DMD: variants seen among roughly 807,000 people sequenced by gnomAD.
DMD encodes mutant dystrophin.
Under a neutral mutation model 330.1 loss-of-function variants are expected in DMD, and 63 were observed. That is an observed-to-expected ratio of 0.19 (90% CI 0.16 to 0.24). The LOEUF (loss-of-function observed/expected upper bound fraction) is 0.24. DMD is among the 10% of genes least tolerant of loss of function. The pLI, the probability that DMD is intolerant of heterozygous loss-of-function variation, is 1.00. For missense variants in DMD, 3,344 were observed against 2,684.1 expected, an observed-to-expected ratio of 1.25 and a Z score of -5.43; for synonymous variants, 1,223 against 959.8, an observed-to-expected ratio of 1.27 and a Z score of -5.07.
chrX:32,243,596 C>A (rs2097217751), intron 43 of DMD, among the ~76,000 whole-genome samples: 1 of 111,368 alleles, frequency 9.0e-6, no homozygotes, highest in African/African-American at 3.3e-5. Flanking sequence ...GGTAACAAAC[C>A]CGTAGATAAT....
At chrX:31,689,137 A>G (rs1479802409) in intron 52 of DMD, among the ~76,000 whole-genome samples, 1 of 111,607 alleles carries the variant, frequency 9.0e-6, no homozygotes, top group Non-Finnish European at 1.9e-5. Context: ...GGCAGGAAAA[A>G]GAAATAAAGG....
At chrX:31,503,185 C>T (rs959001991) in intron 56 of DMD, among the ~76,000 whole-genome samples, 1 of 111,562 alleles carries the variant, frequency 9.0e-6, no homozygotes, top group African/African-American at 3.3e-5. Context: ...TTATATAATG[C>T]CTTTTAAATC....
intron 2 of DMD, among the ~76,000 whole-genome samples, chrX:32,951,335 G>A (rs952365554): frequency 7.2e-5 from 8 of 111,224 alleles, no homozygotes; most frequent in Non-Finnish European, 1.3e-4. Context: ...GACTCTGTCC[G>A]AGCAAAAGCT....
rs185841052 is a variant in DMD, at chrX:33,108,938, A to G, written c.32-88738T>C. The stretch of plus-strand genomic sequence containing the variant: ...AGTCTGTTCAATTTTAAAACTTGTA[A>G]TCTTAAATAAAAATTATATTTAGAA... On this transcript the variant is annotated intron_variant, in intron 1 of 78. Coordinates refer to ENST00000357033, the MANE Select transcript of DMD (RefSeq NM_004006.3). Among the ~76,000 whole-genome samples, 27 of 105,816 alleles carry G rather than the reference A, an allele frequency of 2.6e-4. No homozygotes were observed. In the East Asian group the frequency reaches 3.0e-3, roughly 12 times the overall value. 91.9% of individuals were successfully genotyped at this position (105,816 alleles called of 115,157 possible). A position where few individuals can be genotyped will look rare whatever the true frequency, so the allele number is the denominator to read the frequency against.
chrX:32,149,814 A>G (rs2096795792), intron 44 of DMD, among the ~76,000 whole-genome samples: 1 of 111,783 alleles, frequency 8.9e-6, no homozygotes, highest in African/African-American at 3.3e-5. Context: ...ATCTAATGGG[A>G]TGTGTTTTCA....
At chrX:32,692,140 A>T (rs1382571905) in intron 9 of DMD, among the ~76,000 whole-genome samples, 1 of 112,263 alleles carries the variant, frequency 8.9e-6, no homozygotes, top group Non-Finnish European at 1.9e-5. Context: ...TAAGAGGGTG[A>T]ATCCCATGTT....
intron 44 of DMD, among the ~76,000 whole-genome samples, chrX:32,195,874 C>T (rs1216062842): frequency 2.7e-5 from 3 of 111,736 alleles, no homozygotes; most frequent in African/African-American, 9.8e-5. Flanking sequence ...AAATGCCATA[C>T]TTGCTGGAAA....
At chrX:31,477,978 T>G (rs2067926765) in intron 59 of DMD, 128 bp downstream of exon 59, 1 of 729,494 alleles carries the variant, frequency 1.4e-6, no homozygotes, top group Non-Finnish European at 2.0e-6. Flanking sequence ...GAATGAAGAC[T>G]GAATTTGTGA....
chrX:33,019,775 G>A (rs1435084945), intron 2 of DMD, among the ~76,000 whole-genome samples: 1 of 111,090 alleles, frequency 9.0e-6, no homozygotes, highest in Non-Finnish European at 1.9e-5. Context: ...GACCAAGAGG[G>A]ACAAAAAAAT....
At chrX:31,945,400 G>A (rs904068198) in intron 45 of DMD, among the ~76,000 whole-genome samples, 4 of 111,662 alleles carry the variant, frequency 3.6e-5, no homozygotes, top group East Asian at 2.8e-4. Flanking sequence ...GCAGTGGCGC[G>A]ATCTTGGCTC....
At chrX:31,299,366 G>A (rs981049887) in intron 62 of DMD, among the ~76,000 whole-genome samples, 9 of 111,393 alleles carry the variant, frequency 8.1e-5, no homozygotes, top group African/African-American at 2.9e-4. Flanking sequence ...TAAAAAAAAA[G>A]CACATCTCCC....
chrX:32,702,117 C>A (rs932031550), intron 7 of DMD, among the ~76,000 whole-genome samples: 3 of 111,537 alleles, frequency 2.7e-5, no homozygotes, highest in Admixed American at 1.9e-4. Flanking sequence ...AATGGATTAT[C>A]CAGGAAATTT....
intron 63 of DMD, among the ~76,000 whole-genome samples, chrX:31,234,524 T>C (rs998391806): frequency 8.9e-6 from 1 of 112,442 alleles, no homozygotes; most frequent in Non-Finnish European, 1.9e-5. Flanking sequence ...TAAGTGACAA[T>C]TACTTCTGCA....
At position 31,628,173 on chromosome X, in the gene DMD, T is replaced by C. The variant is rs926596613; in HGVS notation, c.8028-311A>G. ...AAATATATATACATATATTTGAACA[T>C]GTGAAAGTTCAAAGTACCTTTTTTT... On this transcript the variant is annotated intron_variant, in intron 54 of 78. Coordinates refer to ENST00000357033, the MANE Select transcript of DMD (RefSeq NM_004006.3). 8.1e-5 allele frequency among the ~76,000 whole-genome samples: 9 copies of C among 111,536 alleles called. No homozygotes were observed. The Admixed American group carries it at 8.6e-4, about 11-fold the overall frequency.
intron 44 of DMD, among the ~76,000 whole-genome samples, chrX:32,212,909 TAG>T (rs1465432974): frequency 9.0e-6 from 1 of 111,035 alleles, no homozygotes; most frequent in African/African-American, 3.3e-5. Context: ...GGAAAAAAAA[TAG>T]AGTTGCATGG....
intron 60 of DMD, among the ~76,000 whole-genome samples, chrX:31,421,954 T>TACAC (rs1170166063): frequency 1.9e-4 from 15 of 79,055 alleles, no homozygotes; most frequent in Non-Finnish European, 2.9e-4. Flanking sequence ...TATATATATA[T>TACAC]ATATACACAT....
rs149394371 is a variant in DMD, at chrX:32,772,638, T to C, written c.649+36855A>G. ...TACTCTTACATAGAGGTAGACGTTT[T>C]AAAGGGACAAAAATATTCTGAGTTG... On this transcript the variant is annotated intron_variant, in intron 7 of 78. Coordinates refer to ENST00000357033, the MANE Select transcript of DMD (RefSeq NM_004006.3). Among the ~76,000 whole-genome samples the C allele has an allele frequency of 3.6e-5, 4 of 111,678 alleles. No individual in the cohort carries two copies. The East Asian group carries it at 1.1e-3, about 32-fold the overall frequency.
chrX:32,608,686 T>C (rs933728810), intron 12 of DMD, among the ~76,000 whole-genome samples: 2 of 110,742 alleles, frequency 1.8e-5, no homozygotes, highest in Admixed American at 9.6e-5. Flanking sequence ...AACTAGTCAA[T>C]ATAATCAGAA....
chrX:32,878,509 T>C (rs1292930611), intron 2 of DMD, among the ~76,000 whole-genome samples: 2 of 112,045 alleles, frequency 1.8e-5, no homozygotes, highest in Admixed American at 9.5e-5. Context: ...GTTACTAAGA[T>C]AGCATTTCAG....
Sources: gnomAD v4.1 joint callset for allele counts (sites outside exome capture counted in the v4.1 genomes callset) on GRCh38, gnomAD v4.1.1 for gene constraint, MANE v1.5 for transcripts, NCBI Gene and HGNC (gene_info 2026-07-23, HGNC 2026-07-21) for gene names.